The following SSX3 variants were observed in gnomAD, a reference collection of about 807,000 sequenced individuals.
The protein encoded by SSX3 is protein SSX3.
A neutral mutation model predicts 14.8 loss-of-function variants in SSX3; 6 were observed. That is an observed-to-expected ratio of 0.41 (90% confidence interval 0.22 to 0.80). SSX3 has a LOEUF of 0.80. SSX3 is among the 30% of genes least tolerant of loss of function. The pLI is 0.34. For missense variants in SSX3, 163 were observed against 152.2 expected (o/e 1.07, Z -0.37); for synonymous variants, 55 against 52.9 (o/e 1.04, Z -0.18).
chrX:48,355,235 G>T lies in SSX3; in HGVS notation c.15C>A (p.Asp5Glu), dbSNP rs782165594. Residue 5 changes from aspartate (D) to glutamate (E), a missense_variant, in exon 2 of 8, where the codon GAC becomes GAA. Asp to Glu is a conservative substitution (Grantham distance 45). Coordinates refer to ENST00000298396, the MANE Select transcript of SSX3 (RefSeq NM_021014.4). ...CAACCGTGGGTCTCCTTGCAAAGGTGTCATCTCCGTTCATGGCACAGGGAG... is the reference window on the plus strand; with the variant it reads ...CAACCGTGGGTCTCCTTGCAAAGGTTTCATCTCCGTTCATGGCACAGGGAG... Reference protein sequence around the residue: MNGDDTFARRPTVGA... With the variant: MNGDETFARRPTVGA... 6 of 1,209,429 alleles carry T rather than the reference G, an allele frequency of 5.0e-6. No homozygotes were observed. In the Admixed American group the frequency reaches 6.6e-5, roughly 13 times the overall value.
At position 48,349,327 on chromosome X, in the gene SSX3, G is replaced by A. The variant is rs2061251585; in HGVS notation, c.466+660C>T. ...CAACCACCACCTTGACCAGCCAGCA[G>A]CCATCAACACCGAGGCAAGACCCTC... is the stretch of plus-strand genomic sequence containing the variant. On this transcript the variant is annotated intron_variant, in intron 6 of 7. Transcript: ENST00000298396. 4 of 403,071 alleles carry A rather than the reference G, an allele frequency of 9.9e-6. No individual in the cohort carries two copies. In the East Asian group the frequency reaches 1.9e-4, roughly 19 times the overall value. 33.2% of individuals were successfully genotyped at this position (403,071 alleles called of 1,213,427 possible). A position where few individuals can be genotyped will look rare whatever the true frequency, so the allele number is the denominator to read the frequency against.
intron 2 of SSX3, chrX:48,354,970 A>T (rs1403207477): frequency 1.3e-6 from 1 of 752,010 alleles, no homozygotes; most frequent in Non-Finnish European, 1.6e-6. Context: ...TCCAGAATGG[A>T]CTGAGAGTCA....
At chrX:48,350,499 G>A (rs1301203350) in intron 5 of SSX3, among the ~76,000 whole-genome samples, 2 of 111,579 alleles carry the variant, frequency 1.8e-5, no homozygotes, top group Admixed American at 1.9e-4. Flanking sequence ...ATATAAGCTT[G>A]TAGACAGCTG....
At chrX:48,349,294 A>C (rs868920659) in intron 6 of SSX3, among the ~76,000 whole-genome samples, 4 of 112,155 alleles carry the variant, frequency 3.6e-5, no homozygotes, top group African/African-American at 6.5e-5. Flanking sequence ...AGCCACTCCA[A>C]TCTTCAGCAA....
chrX:48,349,942 C>A (rs782363388), intron 6 of SSX3, 45 bp downstream of exon 6: 31 of 1,206,985 alleles, frequency 2.6e-5, no homozygotes, highest in Middle Eastern at 2.3e-4. Flanking sequence ...ACCTGAACGT[C>A]GCCAGGGAAG....
chrX:48,353,867 C>T (rs2061273626), intron 4 of SSX3, 132 bp downstream of exon 4: 6 of 618,126 alleles, frequency 9.7e-6, no homozygotes, highest in Middle Eastern at 6.5e-4. Flanking sequence ...TAACTTTCTG[C>T]ATGCAATTTT....
chrX:48,355,094 C>T, intron 2 of SSX3, 87 bp downstream of exon 2: 1 of 1,203,597 alleles, frequency 8.3e-7, no homozygotes, highest in Non-Finnish European at 1.1e-6. Flanking sequence ...TCCTTGTCTC[C>T]AGTATCTCTG....
At chrX:48,349,892 C>A (rs1443829920) in intron 6 of SSX3, 95 bp downstream of exon 6, 2 of 1,187,441 alleles carry the variant, frequency 1.7e-6, no homozygotes, top group Non-Finnish European at 2.3e-6. Flanking sequence ...AGCCTGGACC[C>A]AGGGTTATCT....
intron 6 of SSX3, chrX:48,349,439 C>G: frequency 1.0e-6 from 1 of 955,291 alleles, no homozygotes. Flanking sequence ...AAGGTATATA[C>G]ATTTTTAGAC....
intron 5 of SSX3, among the ~76,000 whole-genome samples, chrX:48,351,114 C>A (rs1270685718): frequency 1.8e-5 from 2 of 111,673 alleles, no homozygotes; most frequent in African/African-American, 6.5e-5. Context: ...AAATAGTGAA[C>A]CATACATGTA....
chrX:48,353,127 TTTC>T (rs2061270304), intron 4 of SSX3, among the ~76,000 whole-genome samples: 2 of 107,728 alleles, frequency 1.9e-5, no homozygotes, highest in South Asian at 7.6e-4. Context: ...TAACACTTTC[TTTC>T]TTTTTTTTTT....
At chrX:48,354,298 AAAAG>A (rs2061276279) in intron 3 of SSX3, among the ~76,000 whole-genome samples, 1 of 107,590 alleles carries the variant, frequency 9.3e-6, no homozygotes, top group African/African-American at 3.4e-5. Context: ...AAAAAAAAAA[AAAAG>A]AAAGAGACAA....
intron 6 of SSX3, among the ~76,000 whole-genome samples, chrX:48,348,603 C>A (rs782432945): frequency 7.8e-4 from 88 of 112,354 alleles, no homozygotes; most frequent in Non-Finnish European, 1.2e-3. Flanking sequence ...CCAAGACAGG[C>A]TGAAAGCTAG....
intron 2 of SSX3, 122 bp from the exon 3 acceptor site, chrX:48,354,868 A>C: frequency 2.1e-5 from 25 of 1,192,784 alleles, no homozygotes; most frequent in Non-Finnish European, 2.7e-5. Context: ...GGTTGATGCC[A>C]CGGCTAACTG....
chrX:48,347,618 T>G lies in SSX3; in HGVS notation c.467-14A>C. ...CCCTTTTGGGTCCTATGATGGAGAA[T>G]AGTTGGAAAGTGAGGGTTGGGTAGG... On this transcript the variant is annotated splice_polypyrimidine_tract_variant and intron_variant, in intron 6 of 7. Transcript: ENST00000298396. 2.5e-6 allele frequency: 3 copies of G among 1,209,348 alleles called. No homozygotes were observed. Among genetic ancestry groups the G allele is most frequent in the East Asian group, 3.0e-5 (1 of 33,831 alleles).
intron 4 of SSX3, among the ~76,000 whole-genome samples, chrX:48,353,104 G>A (rs1460303731): frequency 2.7e-5 from 3 of 109,503 alleles, no homozygotes; most frequent in South Asian, 3.9e-4. Flanking sequence ...AGTTTTTGGC[G>A]GATCTACAGT....
chrX:48,349,969 T>A lies in SSX3; in HGVS notation c.466+18A>T. 5 of 1,211,082 alleles carry A rather than the reference T, an allele frequency of 4.1e-6. No homozygotes were observed. The highest frequency in any genetic ancestry group is 5.6e-6 in the Non-Finnish European group (5 of 895,319). On this transcript the variant is annotated intron_variant, in intron 6 of 7. Coordinates refer to ENST00000298396, the MANE Select transcript of SSX3 (RefSeq NM_021014.4). ...CCAGGGAAGCCAGTGGGATTGTTCC[T>A]GAATTGCTTCCTCTTACCAGATATC...
intron 6 of SSX3, chrX:48,349,720 T>C (rs1291135816): frequency 2.5e-5 from 29 of 1,142,691 alleles, no homozygotes; most frequent in Non-Finnish European, 3.4e-5. Context: ...TTATGAACTA[T>C]GATTCTTTAT....
intron 5 of SSX3, among the ~76,000 whole-genome samples, chrX:48,350,484 A>T (rs2061257292): frequency 9.0e-6 from 1 of 111,583 alleles, no homozygotes; most frequent in Non-Finnish European, 1.9e-5. Context: ...AATACAAGGG[A>T]TCCCATATAA....
Sources: gnomAD v4.1 joint callset for allele counts (sites outside exome capture counted in the v4.1 genomes callset) on GRCh38, gnomAD v4.1.1 for gene constraint, MANE v1.5 for transcripts, NCBI Gene and HGNC (gene_info 2026-07-23, HGNC 2026-07-21) for gene names.